PDE1C: variants seen among roughly 807,000 people sequenced by gnomAD.
PDE1C encodes the protein phosphodiesterase 1C.
A neutral mutation model predicts 93.1 loss-of-function variants in PDE1C; 62 were observed. The ratio of observed to expected loss-of-function variants is 0.67; its 90% CI spans 0.54 to 0.82. The LOEUF (loss-of-function observed/expected upper bound fraction) is 0.82, where lower values mean the gene tolerates loss of function less well. PDE1C is among the 40% of genes least tolerant of loss of function. PDE1C has a pLI of 0.00. For synonymous variants in PDE1C, 325 were observed against 310.1 expected, an observed-to-expected ratio of 1.05 and a Z score of -0.50; for missense variants, 742 against 884.6, an observed-to-expected ratio of 0.84 and a Z score of 2.04.
chr7:32,324,194 T>A (rs1003266468), intron 1 of PDE1C, among the ~76,000 whole-genome samples: 1 of 152,246 alleles, frequency 6.6e-6, no homozygotes, highest in African/African-American at 2.4e-5. Context: ...TTGTCTATAG[T>A]GGCTCTCATG....
intron 2 of PDE1C, among the ~76,000 whole-genome samples, chr7:32,038,806 G>A (rs780856915): frequency 6.6e-5 from 10 of 152,044 alleles, no homozygotes; most frequent in Non-Finnish European, 1.3e-4. Flanking sequence ...ATTCATCTTC[G>A]ACACAAGAGA....
intron 3 of PDE1C, among the ~76,000 whole-genome samples, chr7:32,080,183 G>C (rs76577114): frequency 6.6e-6 from 1 of 151,974 alleles, no homozygotes; most frequent in Non-Finnish European, 1.5e-5. Context: ...GAGGCAGGCG[G>C]GTGGGGACAA....
intron 1 of PDE1C, among the ~76,000 whole-genome samples, chr7:32,283,293 A>G (rs6977286): frequency 0.044 from 6,720 of 152,316 alleles, 309 homozygotes; most frequent in South Asian, 0.18. Context: ...TAATGGTCCC[A>G]TATTTGAAAA....
At chr7:31,799,265 A>G (rs1400286485) in intron 16 of PDE1C, among the ~76,000 whole-genome samples, 2 of 151,718 alleles carry the variant, frequency 1.3e-5, no homozygotes, top group Non-Finnish European at 3.0e-5. Flanking sequence ...AGATCTGCAA[A>G]GCAGGGCATA....
chr7:31,774,191 C>G (rs1795682642), intron 17 of PDE1C, among the ~76,000 whole-genome samples: 1 of 152,154 alleles, frequency 6.6e-6, no homozygotes, highest in Non-Finnish European at 1.5e-5. Context: ...GACTGCAAAA[C>G]ATCCCAATTC....
At chr7:31,839,920 C>A (rs767616952) in intron 9 of PDE1C, among the ~76,000 whole-genome samples, 1 of 152,114 alleles carries the variant, frequency 6.6e-6, no homozygotes, top group Non-Finnish European at 1.5e-5. Flanking sequence ...GCCTGTAGTC[C>A]CAGCTACTTA....
chr7:32,169,200 G>A (rs772841256), intron 3 of PDE1C, among the ~76,000 whole-genome samples: 1 of 152,160 alleles, frequency 6.6e-6, no homozygotes, highest in African/African-American at 2.4e-5. Context: ...TGGGTGAGAA[G>A]GCAAGGGATG....
chr7:31,906,599 G>A (rs1800614038), intron 2 of PDE1C, among the ~76,000 whole-genome samples: 2 of 152,110 alleles, frequency 1.3e-5, no homozygotes, highest in African/African-American at 2.4e-5. Flanking sequence ...GTGTTATATA[G>A]GCTACAAAGA....
At chr7:31,915,780 C>T (rs1801814180) in intron 2 of PDE1C, among the ~76,000 whole-genome samples, 1 of 152,100 alleles carries the variant, frequency 6.6e-6, no homozygotes, top group Non-Finnish European at 1.5e-5. Flanking sequence ...GAAAGATTAA[C>T]AAGAGGAAAG....
At chr7:32,339,228 A>T (rs977900774) in intron 1 of PDE1C, among the ~76,000 whole-genome samples, 2 of 152,206 alleles carry the variant, frequency 1.3e-5, no homozygotes, top group African/African-American at 4.8e-5. Context: ...TACAGTATTT[A>T]AAAAATTTTT....
chr7:31,678,560 CAGTG>C, the PDE1C span, among the ~76,000 whole-genome samples: 1 of 152,128 alleles, frequency 6.6e-6, no homozygotes, highest in South Asian at 2.1e-4. Context: ...AAAGGGAAGA[CAGTG>C]AGAATTTATT....
chr7:32,261,416 C>A (rs1810190012), intron 1 of PDE1C, among the ~76,000 whole-genome samples: 1 of 152,260 alleles, frequency 6.6e-6, no homozygotes, highest in East Asian at 1.9e-4. Flanking sequence ...AGCCCCTACC[C>A]GCCAAATTAT....
chr7:32,424,145 C>T (rs1218457732), intron 1 of PDE1C, among the ~76,000 whole-genome samples: 1 of 152,202 alleles, frequency 6.6e-6, no homozygotes, highest in Non-Finnish European at 1.5e-5. Flanking sequence ...AACAGACAAA[C>T]CTAGAAAACA....
chr7:32,303,004 C>A (rs1323424030), upstream of PDE1C, among the ~76,000 whole-genome samples: 2 of 152,124 alleles, frequency 1.3e-5, no homozygotes, highest in Non-Finnish European at 2.9e-5. Flanking sequence ...TGGCTGCAGG[C>A]AATGAAGTTT....
chr7:31,744,094 A>C, the PDE1C span, among the ~76,000 whole-genome samples: 1 of 152,192 alleles, frequency 6.6e-6, no homozygotes, highest in Non-Finnish European at 1.5e-5. Flanking sequence ...ATAAATATAC[A>C]TTAATGGTGC....
At chr7:32,398,580 G>T (rs1375410428) in intron 1 of PDE1C, among the ~76,000 whole-genome samples, 2 of 151,792 alleles carry the variant, frequency 1.3e-5, no homozygotes, top group African/African-American at 2.4e-5. Context: ...GTAGAGATGG[G>T]GTTTCACCAT....
chr7:31,976,203 A>G (rs918366858), intron 2 of PDE1C, among the ~76,000 whole-genome samples: 1 of 152,210 alleles, frequency 6.6e-6, no homozygotes, highest in Non-Finnish European at 1.5e-5. Context: ...TCCATAATAG[A>G]TGAAGAATTA....
At chr7:31,964,623 C>T (rs1456064374) in intron 2 of PDE1C, among the ~76,000 whole-genome samples, 10 of 152,200 alleles carry the variant, frequency 6.6e-5, no homozygotes, top group East Asian at 1.9e-4. Flanking sequence ...TCTCCCAGCA[C>T]GCAGCTGGAG....
Position 32,052,379 on chromosome 7 carries a change from C to T in PDE1C, c.102-799G>A, listed in dbSNP as rs181656854. The T allele has an allele frequency of 5.6e-4, 258 of 460,174 alleles. 3 individuals are homozygous for T. The Admixed American group carries it at 6.1e-3, about 11-fold the overall frequency. The allele number at this position is 460,174 out of a possible 1,614,324, so 28.5% of individuals were successfully genotyped here. On this transcript the variant is annotated intron_variant, in intron 1 of 17. Coordinates refer to ENST00000396191, the MANE Select transcript of PDE1C (RefSeq NM_001191057.4). ...ATCTCACCTAGGTCAGAGTGGCAGACAAGGAGAAAATGGCCATAAAATGTA... is the reference window on the plus strand; with the variant it reads ...ATCTCACCTAGGTCAGAGTGGCAGATAAGGAGAAAATGGCCATAAAATGTA...
Sources: allele counts gnomAD v4.1 joint callset (sites outside exome capture counted in the v4.1 genomes callset), GRCh38; gene constraint gnomAD v4.1.1; transcripts MANE v1.5; gene names NCBI Gene and HGNC (gene_info 2026-07-23, HGNC 2026-07-21).